Variants in TENM3 observed in about 807,000 individuals in gnomAD.
TENM3 encodes teneurin transmembrane protein 3, also known as teneurin-3.
A neutral mutation model predicts 255.1 loss-of-function variants in TENM3; 63 were observed. The ratio of observed to expected loss-of-function variants is 0.25; its 90% CI spans 0.20 to 0.30. The LOEUF is 0.30. Ranked by LOEUF, TENM3 falls within the 10% of genes least tolerant of loss-of-function variation. The pLI, the probability that TENM3 is intolerant of heterozygous loss-of-function variation, is 1.00. For synonymous variants in TENM3, 1,306 were observed against 1,322.3 expected, an observed-to-expected ratio of 0.99 and a Z score of 0.27; for missense variants, 2,929 against 3,461.1, an observed-to-expected ratio of 0.85 and a Z score of 3.86.
intron 1 of TENM3, among the ~76,000 whole-genome samples, chr4:182,264,945 G>A (rs946581524): frequency 2.0e-5 from 3 of 151,064 alleles, no homozygotes; most frequent in Admixed American, 6.6e-5. Context: ...TTTCTTAGTC[G>A]ACTGAATTAT....
chr4:182,716,504 A>G (rs35751669), intron 13 of TENM3, among the ~76,000 whole-genome samples: 23,297 of 152,178 alleles, frequency 0.15, 2,519 homozygotes, highest in East Asian at 0.48. Context: ...CATAATTTGT[A>G]TTCCTGCCTC....
the TENM3 span, among the ~76,000 whole-genome samples, chr4:181,521,670 A>G: frequency 2.0e-5 from 3 of 152,260 alleles, no homozygotes; most frequent in East Asian, 5.8e-4. Context: ...TATAAATACA[A>G]GCTACTCCCT....
the TENM3 span, among the ~76,000 whole-genome samples, chr4:181,701,984 G>T: frequency 1.3e-5 from 2 of 152,136 alleles, no homozygotes; most frequent in Non-Finnish European, 2.9e-5. Flanking sequence ...AGGATCTGTT[G>T]ACCAGAAGCA....
chr4:181,501,504 A>G, the TENM3 span, among the ~76,000 whole-genome samples: 69,066 of 151,312 alleles, frequency 0.46, 16,251 homozygotes, highest in Middle Eastern at 0.59. Flanking sequence ...TCAGCCTCCC[A>G]AGTAGTGGGA....
intron 5 of TENM3, chr4:182,631,746 C>T (rs1248981271): frequency 1.3e-5 from 2 of 152,158 alleles, no homozygotes; most frequent in African/African-American, 2.4e-5. Context: ...GAATTCCCTT[C>T]TCTTATATTG....
chr4:182,054,284 C>T, the TENM3 span, among the ~76,000 whole-genome samples: 3 of 152,122 alleles, frequency 2.0e-5, 1 homozygote, highest in Middle Eastern at 6.3e-3. Context: ...TCTTGTTCAA[C>T]AAATATTTAT....
the TENM3 span, among the ~76,000 whole-genome samples, chr4:182,031,904 T>A: frequency 1.3e-4 from 20 of 152,332 alleles, no homozygotes; most frequent in Middle Eastern, 3.4e-3. Context: ...ATTGATTTTG[T>A]ATCCTGAGAC....
At chr4:181,898,532 T>C in the TENM3 span, among the ~76,000 whole-genome samples, 1 of 152,194 alleles carries the variant, frequency 6.6e-6, no homozygotes, top group Non-Finnish European at 1.5e-5. Context: ...CAGTAAAATA[T>C]TCTCTGGTCC....
chr4:182,577,141 T>C (rs1307167850), intron 3 of TENM3, among the ~76,000 whole-genome samples: 3 of 152,198 alleles, frequency 2.0e-5, no homozygotes, highest in African/African-American at 7.2e-5. Flanking sequence ...ACTAAAGCAT[T>C]AGCTTATCGG....
chr4:182,256,531 T>G (rs1467544238), intron 1 of TENM3, among the ~76,000 whole-genome samples: 1 of 152,172 alleles, frequency 6.6e-6, no homozygotes, highest in Non-Finnish European at 1.5e-5. Context: ...TTTAAGATCC[T>G]AAAACTCTCA....
chr4:182,610,590 G>A (rs1215365431), intron 4 of TENM3, among the ~76,000 whole-genome samples: 1 of 152,104 alleles, frequency 6.6e-6, no homozygotes, highest in African/African-American at 2.4e-5. Flanking sequence ...AGCTGAAGCA[G>A]GAGGATCACT....
the TENM3 span, among the ~76,000 whole-genome samples, chr4:182,051,375 TCTC>T: frequency 2.7e-4 from 16 of 58,682 alleles, 2 homozygotes; most frequent in Middle Eastern, 7.9e-3. Flanking sequence ...TTATTTTTCC[TCTC>T]TTTTTTTTTT....
chr4:181,669,146 C>T, the TENM3 span, among the ~76,000 whole-genome samples: 1 of 152,132 alleles, frequency 6.6e-6, no homozygotes, highest in Non-Finnish European at 1.5e-5. Context: ...GATAACAAAG[C>T]TTAAATCCCT....
intron 1 of TENM3, among the ~76,000 whole-genome samples, chr4:182,273,608 A>G (rs1201275101): frequency 2.0e-5 from 3 of 152,230 alleles, no homozygotes; most frequent in African/African-American, 7.2e-5. Flanking sequence ...TCATTGATAC[A>G]TGCTGATTGT....
At chr4:182,211,973 G>C (rs146750335) in intron 1 of TENM3, among the ~76,000 whole-genome samples, 1 of 152,104 alleles carries the variant, frequency 6.6e-6, no homozygotes, top group African/African-American at 2.4e-5. Context: ...AGCCTGGCAC[G>C]TGTGACATAC....
At chr4:182,190,098 A>G (rs1753419301) in intron 1 of TENM3, 1 of 152,184 alleles carries the variant, frequency 6.6e-6, no homozygotes, top group African/African-American at 2.4e-5. Context: ...TTTTCTATAA[A>G]CATACTAATG....
At chr4:182,094,981 A>G in the TENM3 span, among the ~76,000 whole-genome samples, 1 of 152,246 alleles carries the variant, frequency 6.6e-6, no homozygotes, top group East Asian at 1.9e-4. Flanking sequence ...ATCTAAAATA[A>G]ATAAATACAC....
intron 5 of TENM3, among the ~76,000 whole-genome samples, chr4:182,652,950 T>C (rs1753445845): frequency 6.6e-6 from 1 of 152,170 alleles, no homozygotes; most frequent in East Asian, 1.9e-4. Context: ...TTTTTCTAAA[T>C]AGCATTGATA....
At chr4:181,983,090 A>G in the TENM3 span, among the ~76,000 whole-genome samples, 1 of 152,184 alleles carries the variant, frequency 6.6e-6, no homozygotes, top group Non-Finnish European at 1.5e-5. Context: ...TGTTTAATAA[A>G]GAAAAGAAGA....
Sources: gnomAD v4.1 joint callset for allele counts (sites outside exome capture counted in the v4.1 genomes callset) on GRCh38, gnomAD v4.1.1 for gene constraint, MANE v1.5 for transcripts, NCBI Gene and HGNC (gene_info 2026-07-23, HGNC 2026-07-21) for gene names.